Variants in LRRC37A2 observed in about 807,000 individuals in gnomAD.
The protein encoded by LRRC37A2 is leucine-rich repeat-containing protein 37A2.
LRRC37A2 carries 9 observed loss-of-function variants against 68.8 expected under a neutral mutation model. That is an observed-to-expected ratio of 0.13 (90% CI 0.08 to 0.23). The LOEUF (loss-of-function observed/expected upper bound fraction) is 0.23, where lower values mean the gene tolerates loss of function less well. Among genes scored for constraint, LRRC37A2 ranks in the 10% least tolerant of loss-of-function variants. The probability of loss-of-function intolerance (pLI) is 1.00; values close to 1 mark genes in which losing one functional copy is unlikely to be tolerated. For missense variants in LRRC37A2, 168 were observed against 950.4 expected, an observed-to-expected ratio of 0.18 and a Z score of 10.82; for synonymous variants, 63 against 367.6, an observed-to-expected ratio of 0.17 and a Z score of 9.48.
At chr17:46,873,086 TCACACA>T in the LRRC37A2 span, among the ~76,000 whole-genome samples, 12,480 of 139,776 alleles carry the variant, frequency 0.089, 640 homozygotes, top group African/African-American at 0.13. Context: ...CTCTGCCTCT[TCACACA>T]CACACACACA....
At chr17:46,991,675 G>C in the LRRC37A2 span, among the ~76,000 whole-genome samples, 2 of 152,134 alleles carry the variant, frequency 1.3e-5, no homozygotes, top group African/African-American at 4.8e-5. Flanking sequence ...ACTGTCACAA[G>C]AAAATGATCA....
the LRRC37A2 span, among the ~76,000 whole-genome samples, chr17:46,979,641 G>A: frequency 4.4e-4 from 67 of 152,204 alleles, no homozygotes; most frequent in Non-Finnish European, 7.8e-4. Context: ...CCACTCCACT[G>A]GCCCCGGGTC....
chr17:46,977,252 T>C, the LRRC37A2 span, among the ~76,000 whole-genome samples: 1 of 152,196 alleles, frequency 6.6e-6, no homozygotes, highest in Admixed American at 6.5e-5. Context: ...TTCAGTCACC[T>C]TCCTCGTTAT....
chr17:46,946,015 G>A, the LRRC37A2 span, among the ~76,000 whole-genome samples: 2 of 152,244 alleles, frequency 1.3e-5, no homozygotes, highest in Admixed American at 1.3e-4. Flanking sequence ...CAATCCAGGG[G>A]CCCTGGGAGA....
the LRRC37A2 span, chr17:46,764,235 G>A: frequency 7.2e-5 from 11 of 152,736 alleles, no homozygotes; most frequent in East Asian, 2.1e-3. Context: ...ACAGAACCTT[G>A]CCCATGCTGA....
At chr17:47,006,983 C>T in the LRRC37A2 span, among the ~76,000 whole-genome samples, 18 of 152,114 alleles carry the variant, frequency 1.2e-4, no homozygotes, top group Non-Finnish European at 1.8e-4. Context: ...TTTTGTGCTC[C>T]TATTCATGGT....
chr17:46,898,698 TG>T, the LRRC37A2 span, among the ~76,000 whole-genome samples: 12 of 152,214 alleles, frequency 7.9e-5, no homozygotes, highest in African/African-American at 2.9e-4. Flanking sequence ...CCTTGCCTAA[TG>T]TAGCCAGATT....
At chr17:46,491,194 GCA>G in the LRRC37A2 span, among the ~76,000 whole-genome samples, 1 of 151,150 alleles carries the variant, frequency 6.6e-6, no homozygotes, top group Non-Finnish European at 1.5e-5. Context: ...ACTGCACCTG[GCA>G]CATGTATATG....
chr17:46,409,314 T>A, the LRRC37A2 span, among the ~76,000 whole-genome samples: 295 of 148,054 alleles, frequency 2.0e-3, 1 homozygote, highest in Non-Finnish European at 2.5e-3. Flanking sequence ...TTTTTTTTTT[T>A]AAGACAGGGT....
the LRRC37A2 span, chr17:46,818,391 TG>T: frequency 1.4e-6 from 1 of 726,124 alleles, no homozygotes; most frequent in Non-Finnish European, 2.1e-6. Context: ...GGTGGGCGGG[TG>T]GGGGGCTGGA....
At chr17:46,631,115 C>A in the LRRC37A2 span, among the ~76,000 whole-genome samples, 1 of 132,890 alleles carries the variant, frequency 7.5e-6, no homozygotes, top group Non-Finnish European at 1.6e-5. Context: ...CATCTTTTAT[C>A]CTACTCCTCA....
At chr17:46,813,480 G>A in the LRRC37A2 span, among the ~76,000 whole-genome samples, 3 of 150,216 alleles carry the variant, frequency 2.0e-5, no homozygotes, top group East Asian at 3.9e-4. Context: ...CGGGGGGTGG[G>A]GGTGGGGCTA....
At chr17:46,736,749 C>T in the LRRC37A2 span, among the ~76,000 whole-genome samples, 1 of 152,152 alleles carries the variant, frequency 6.6e-6, no homozygotes, top group Non-Finnish European at 1.5e-5. Flanking sequence ...TGTATCTAAG[C>T]TTGTCTATGT....
chr17:46,851,027 G>C, the LRRC37A2 span, among the ~76,000 whole-genome samples: 5 of 152,206 alleles, frequency 3.3e-5, no homozygotes, highest in African/African-American at 1.2e-4. This position sits in a 1 kb window ranked among gnomAD's most constrained non-coding sequence, Gnocchi z 4.3. Context: ...CCTGGCAACA[G>C]GGTCCCCTGA....
At chr17:46,752,174 G>A in the LRRC37A2 span, among the ~76,000 whole-genome samples, 3 of 152,214 alleles carry the variant, frequency 2.0e-5, no homozygotes, top group Non-Finnish European at 4.4e-5. Flanking sequence ...GAAGCATCCA[G>A]AATCACATAG....
chr17:46,819,104 G>A, the LRRC37A2 span, among the ~76,000 whole-genome samples: 182 of 152,316 alleles, frequency 1.2e-3, no homozygotes, highest in African/African-American at 4.3e-3. The surrounding 1 kb of genome is among the most constrained non-coding windows in gnomAD (Gnocchi z 5.3). Context: ...TGGGACGTGG[G>A]CCCGCGAGGA....
the LRRC37A2 span, among the ~76,000 whole-genome samples, chr17:46,805,518 A>G: frequency 6.6e-6 from 1 of 152,208 alleles, no homozygotes; most frequent in Non-Finnish European, 1.5e-5. Context: ...GGTTGCAGTG[A>G]GCCAAGATCT....
the LRRC37A2 span, among the ~76,000 whole-genome samples, chr17:47,006,513 G>A: frequency 2.6e-5 from 4 of 152,202 alleles, no homozygotes; most frequent in African/African-American, 9.7e-5. Flanking sequence ...TCGGGAGGCT[G>A]AGGCATGAGA....
the LRRC37A2 span, chr17:46,773,979 C>G: frequency 1.3e-6 from 2 of 1,564,184 alleles, no homozygotes; most frequent in South Asian, 2.3e-5. Context: ...ACCATGGCCG[C>G]TTTGTGAACC....
Sources: allele counts gnomAD v4.1 joint callset (sites outside exome capture counted in the v4.1 genomes callset), GRCh38; gene constraint gnomAD v4.1.1; non-coding constraint Gnocchi (gnomAD v3.1); transcripts MANE v1.5; gene names NCBI Gene and HGNC (gene_info 2026-07-23, HGNC 2026-07-21).